RADIL: variants seen among roughly 807,000 people sequenced by gnomAD.
RADIL encodes the protein Rap associating with DIL domain, also known as ras-associating and dilute domain-containing protein.
RADIL carries 99 observed loss-of-function variants against 97.6 expected under a neutral mutation model. That is an observed-to-expected ratio of 1.01 (90% confidence interval 0.86 to 1.20). The LOEUF (loss-of-function observed/expected upper bound fraction) is 1.20. Ranked by LOEUF, RADIL falls within the 50% of genes most tolerant of loss-of-function variation. The pLI is 0.00. For synonymous variants in RADIL, 803 were observed against 691.8 expected, an observed-to-expected ratio of 1.16 and a Z score of -2.52; for missense variants, 1,765 against 1,498.9, an observed-to-expected ratio of 1.18 and a Z score of -2.93.
intron 5 of RADIL, among the ~76,000 whole-genome samples, chr7:4,826,429 A>C (rs988379357): frequency 6.6e-6 from 1 of 151,942 alleles, no homozygotes; most frequent in African/African-American, 2.4e-5. Context: ...GGAAAAGGGG[A>C]GTTTTTAAAA....
At chr7:4,800,804 T>G (rs1260940062) in intron 12 of RADIL, among the ~76,000 whole-genome samples, 1 of 152,156 alleles carries the variant, frequency 6.6e-6, no homozygotes, top group Non-Finnish European at 1.5e-5. Flanking sequence ...TGGGTGCACT[T>G]AGGTCAGAGA....
chr7:4,835,227 A>G lies in RADIL; in HGVS notation c.796T>C (p.Tyr266His), dbSNP rs1783262322. 1.2e-6 allele frequency: 2 copies of G among 1,610,010 alleles called. No individual in the cohort carries two copies. The highest frequency in any genetic ancestry group is 1.7e-6 in the Non-Finnish European group (2 of 1,179,872). Reference sequence around the variant, plus strand: ...GTGTGCCGGTCCCGGTTGAGCACATACACCAGGCTGTCCTGAAACAGAGAC... The same window carrying G: ...GTGTGCCGGTCCCGGTTGAGCACATGCACCAGGCTGTCCTGAAACAGAGAC... ...GYSQQHDSLVYVLNRDRHTVG... is the reference protein window; with the variant it reads ...GYSQQHDSLVHVLNRDRHTVG... The change falls in exon 4 of 15, where the codon TAT becomes CAT. Residue 266 changes from tyrosine (Y) to histidine (H), a missense_variant. Coordinates refer to ENST00000399583, the MANE Select transcript of RADIL (RefSeq NM_018059.5). This position sits in a 1 kb window ranked among gnomAD's most constrained non-coding sequence, Gnocchi z 5.8.
Position 4,837,881 on chromosome 7 carries a change from T to C in RADIL, c.536-1276A>G. ...TTTCTGAGCCCTCTGCTGAGTTCCC[T>C]GTACGCAGCCTTTCAGGTTAAGATC... On this transcript the variant is annotated intron_variant, in intron 2 of 14. Coordinates refer to ENST00000399583, the MANE Select transcript of RADIL (RefSeq NM_018059.5). The surrounding 1 kb of genome is among the most constrained non-coding windows in gnomAD (Gnocchi z 5.6). 1.0e-6 allele frequency: 1 copy of C among 985,448 alleles called. No individual in the cohort carries two copies. The highest frequency in any genetic ancestry group is 1.2e-6 in the Non-Finnish European group (1 of 829,940). 61.0% of individuals were successfully genotyped at this position (985,448 alleles called of 1,614,324 possible).
chr7:4,838,766 A>G (rs1783366955), intron 2 of RADIL, among the ~76,000 whole-genome samples: 1 of 152,198 alleles, frequency 6.6e-6, no homozygotes, highest in Non-Finnish European at 1.5e-5. Context: ...CAAGGCCACA[A>G]GCATGACAGA....
chr7:4,818,815 A>G lies in RADIL; in HGVS notation c.1616-1464T>C. 6.6e-6 allele frequency among the ~76,000 whole-genome samples: 1 copy of G among 152,160 alleles called. No individual in the cohort carries two copies. The highest frequency in any genetic ancestry group is 2.1e-4 in the South Asian group (1 of 4,832). On this transcript the variant is annotated intron_variant, in intron 6 of 14. Transcript: ENST00000399583. The surrounding 1 kb of genome is among the most constrained non-coding windows in gnomAD (Gnocchi z 7.1). Reference sequence around the variant, plus strand: ...GGCGGGGCACTGGTGGGAAGAGGGAAACGGGGCATGGGAATGACAGGAGAA... The same window carrying G: ...GGCGGGGCACTGGTGGGAAGAGGGAGACGGGGCATGGGAATGACAGGAGAA...
intron 2 of RADIL, among the ~76,000 whole-genome samples, chr7:4,853,672 G>A (rs1243160846): frequency 6.7e-6 from 1 of 149,150 alleles, no homozygotes; most frequent in Non-Finnish European, 1.5e-5. Context: ...AACCTGGGAG[G>A]CAGAGGTTGT....
At chr7:4,828,855 G>A (rs945735961) in intron 5 of RADIL, among the ~76,000 whole-genome samples, 16 of 152,196 alleles carry the variant, frequency 1.1e-4, no homozygotes, top group East Asian at 3.8e-4. Context: ...GGGAGGGCCC[G>A]GGCCTTCCCG....
intron 9 of RADIL, 141 bp from the exon 10 acceptor site, chr7:4,805,857 G>C (rs1247117641): frequency 1.4e-6 from 2 of 1,395,496 alleles, no homozygotes; most frequent in Non-Finnish European, 1.9e-6. Flanking sequence ...CCATCTGTGA[G>C]GGGGACGGTG....
At position 4,878,140 on chromosome 7, in the gene RADIL, G is replaced by C. The variant is rs375944624; in HGVS notation, c.-1C>G. On this transcript the variant is annotated 5_prime_UTR_variant, in exon 2 of 15. Transcript: ENST00000399583. The surrounding 1 kb of genome is among the most constrained non-coding windows in gnomAD (Gnocchi z 4.1). The stretch of plus-strand genomic sequence containing the variant: ...TGATGAAGTGCGTCCCATAAAACAT[G>C]GTGGGTGAGGCTTCATGGATGAGGA... 113 of 1,542,272 alleles carry C rather than the reference G, an allele frequency of 7.3e-5. No individual in the cohort carries two copies. In the African/African-American group the frequency reaches 1.3e-3, roughly 18 times the overall value.
At position 4,811,479 on chromosome 7, in the gene RADIL, CTTTTTTTTTTTTTTTTTTTTT is replaced by C. The variant is rs35136302; in HGVS notation, c.2139+3778_2139+3798del. ...GAATTTGGTACTGATGGTATTATTT[CTTTTTTTTTTTTTTTTTTTTT>C]TTTTTGAGATGGAGTCTCACTCTGT... On this transcript the variant is annotated intron_variant, in intron 9 of 14. Coordinates refer to ENST00000399583, the MANE Select transcript of RADIL (RefSeq NM_018059.5). 5.4e-3 allele frequency among the ~76,000 whole-genome samples: 322 copies of C among 59,096 alleles called. 2 individuals carry two copies. Among genetic ancestry groups the C allele is most frequent in the African/African-American group, 0.018 (299 of 16,776 alleles). The allele number at this position is 59,096 out of a possible 152,430, so 38.8% of individuals were successfully genotyped here. A position where few individuals can be genotyped will look rare whatever the true frequency, so the allele number is the denominator to read the frequency against.
chr7:4,804,871 G>A (rs188680485), intron 10 of RADIL, among the ~76,000 whole-genome samples: 4 of 152,070 alleles, frequency 2.6e-5, no homozygotes, highest in East Asian at 1.9e-4. Context: ...TGAGGTGGGC[G>A]AATCACCTAG....
Position 4,849,005 on chromosome 7 carries a change from G to A in RADIL, c.536-12400C>T, listed in dbSNP as rs940223084. 1.5e-4 allele frequency among the ~76,000 whole-genome samples: 23 copies of A among 152,208 alleles called. No homozygotes were observed. The highest frequency in any genetic ancestry group is 5.1e-4 in the African/African-American group (21 of 41,526). On this transcript the variant is annotated intron_variant, in intron 2 of 14. Transcript: ENST00000399583. The surrounding 1 kb of genome is among the most constrained non-coding windows in gnomAD (Gnocchi z 5.4). ...AATACAAAATTAGCCGGGCGTGGTG[G>A]CATATGCCTGTAATCCCAGCTACTC... is the stretch of plus-strand genomic sequence containing the variant.
chr7:4,801,175 C>T (rs1782071552), intron 12 of RADIL, among the ~76,000 whole-genome samples: 1 of 152,196 alleles, frequency 6.6e-6, no homozygotes, highest in South Asian at 2.1e-4. Context: ...CAGACACACC[C>T]ATGCAGATGC....
intron 2 of RADIL, chr7:4,861,247 G>A: frequency 6.2e-7 from 1 of 1,614,030 alleles, no homozygotes; most frequent in Non-Finnish European, 8.5e-7. Context: ...TAAGTAGACT[G>A]TCATCTCTTA....
chr7:4,803,957 C>A (rs1782205247), intron 10 of RADIL: 2 of 670,164 alleles, frequency 3.0e-6, no homozygotes, highest in South Asian at 1.6e-5. Context: ...CGCCGACCAC[C>A]CGGTGTGACA....
chr7:4,809,467 C>A (rs1782472716), intron 9 of RADIL: 1 of 985,264 alleles, frequency 1.0e-6, no homozygotes, highest in African/African-American at 1.7e-5. Context: ...CAACGAATTT[C>A]CCCCGAGGAA....
intron 12 of RADIL, 128 bp downstream of exon 12, chr7:4,801,525 T>C (rs1366951832): frequency 4.0e-6 from 4 of 1,010,834 alleles, no homozygotes; most frequent in Non-Finnish European, 5.7e-6. Context: ...CCGTCTCAGG[T>C]TGCAGGTGTC....
In RADIL at chr7:4,873,974, C is replaced by G. The variant is rs1359097427; in HGVS notation, c.535+3631G>C. On this transcript the variant is annotated intron_variant, in intron 2 of 14. Coordinates refer to ENST00000399583, the MANE Select transcript of RADIL (RefSeq NM_018059.5). This position sits in a 1 kb window ranked among gnomAD's most constrained non-coding sequence, Gnocchi z 4.3. ...CCTTCTCTGGCTCTCAGTCGTTCCC[C>G]TTGGAGGGGCGAGGGAGGAATCGCC... Among the ~76,000 whole-genome samples the G allele has an allele frequency of 6.6e-6, 1 of 152,248 alleles. No individual in the cohort carries two copies. The highest frequency in any genetic ancestry group is 1.9e-4 in the East Asian group (1 of 5,202).
At chr7:4,865,767 G>GC (rs1229836648) in intron 2 of RADIL, 11 of 1,046,656 alleles carry the variant, frequency 1.1e-5, no homozygotes, top group South Asian at 6.3e-5. Flanking sequence ...TATTTTTTTT[G>GC]CCCCCCTTCA....
Sources: gnomAD v4.1 joint callset for allele counts (sites outside exome capture counted in the v4.1 genomes callset) on GRCh38, gnomAD v4.1.1 for gene constraint, Gnocchi (gnomAD v3.1) non-coding constraint, MANE v1.5 for transcripts, NCBI Gene and HGNC (gene_info 2026-07-23, HGNC 2026-07-21) for gene names.